Variants in TMEM63A observed in about 807,000 individuals in gnomAD.
TMEM63A encodes the protein transmembrane protein 63A, also known as mechanosensitive cation channel TMEM63A.
In TMEM63A, 76 loss-of-function variants were observed where a neutral mutation model predicts 100.6. That is an observed-to-expected ratio of 0.76 (90% CI 0.63 to 0.91). The LOEUF (loss-of-function observed/expected upper bound fraction) is 0.91, where lower values mean the gene tolerates loss of function less well. Ranked by LOEUF, TMEM63A falls within the 40% of genes least tolerant of loss-of-function variation. TMEM63A has a pLI of 0.00. For missense variants in TMEM63A, 876 were observed against 1,008.8 expected (o/e 0.87, Z 1.78); for synonymous variants, 401 against 401.1 (o/e 1.00, Z 0.00).
chr1:225,847,483 C>T (rs570619701), intron 23 of TMEM63A: 74 of 375,340 alleles, frequency 2.0e-4, no homozygotes, highest in Non-Finnish European at 3.4e-4. Flanking sequence ...ACTAAACTTC[C>T]TAGCCCTGGA....
In TMEM63A at chr1:225,862,840, G is replaced by A. The variant is rs1670012480; in HGVS notation, c.758C>T (p.Pro253Leu). The A allele has an allele frequency of 6.2e-7, 1 of 1,613,652 alleles. No homozygotes were observed. Among genetic ancestry groups the A allele is most frequent in the Non-Finnish European group, 8.5e-7 (1 of 1,179,964 alleles). Reference sequence around the variant, plus strand: ...CTGCACATCAACCACCTCACACGTGGGATACGCGTCCCTGTGGCCAGGGAG... The same window carrying A: ...CTGCACATCAACCACCTCACACGTGAGATACGCGTCCCTGTGGCCAGGGAG... ...TVESHFRDAY[P>L]TCEVVDVQLC... Residue 253 changes from proline (P) to leucine (L), a missense_variant, in exon 11 of 25, where the codon CCC (proline) becomes CTC (leucine). This residue lies in a region of TMEM63A where 487 missense variants were observed against 581.9 expected (regional missense o/e 0.84). Transcript: ENST00000366835. This position sits in a 1 kb window ranked among gnomAD's most constrained non-coding sequence, Gnocchi z 5.1.
chr1:225,845,339 C>A, downstream of TMEM63A: 1 of 1,609,106 alleles, frequency 6.2e-7, no homozygotes, highest in Non-Finnish European at 8.5e-7. Flanking sequence ...GGTGCTGGAG[C>A]GGCAATGACC....
Position 225,862,612 on chromosome 1 carries a change from A to G in TMEM63A, c.828-34T>C. 2 of 1,605,722 alleles carry G rather than the reference A, an allele frequency of 1.2e-6. No individual in the cohort carries two copies. The highest frequency in any genetic ancestry group is 2.2e-5 in the East Asian group (1 of 44,680). ...GTGGGAGCGGGGGCACAAACCTCAG[A>G]TTTAGAATCCTGTGGCAGGGACCCC... On this transcript the variant is annotated intron_variant, in intron 11 of 24. Transcript: ENST00000366835. This position sits in a 1 kb window ranked among gnomAD's most constrained non-coding sequence, Gnocchi z 5.1.
chr1:225,845,455 C>A, downstream of TMEM63A: 1 of 1,206,328 alleles, frequency 8.3e-7, no homozygotes, highest in Non-Finnish European at 1.2e-6. Context: ...GTCCCCTGCC[C>A]ATGCTGGGAG....
intron 6 of TMEM63A, among the ~76,000 whole-genome samples, chr1:225,870,608 T>A (rs1456841073): frequency 6.6e-6 from 1 of 152,218 alleles, no homozygotes; most frequent in Admixed American, 6.5e-5. Context: ...TTTCACTAAT[T>A]CAAAGACATG....
chr1:225,861,814 G>C, intron 13 of TMEM63A: 1 of 215,270 alleles, frequency 4.6e-6, no homozygotes, highest in Non-Finnish European at 9.6e-6. Flanking sequence ...GCATTTGTGG[G>C]AAGGTGGGGA....
At chr1:225,875,142 C>A (rs935806668) in intron 3 of TMEM63A, among the ~76,000 whole-genome samples, 15 of 152,230 alleles carry the variant, frequency 9.9e-5, no homozygotes, top group African/African-American at 3.6e-4. Context: ...GCAGGCCCCG[C>A]AGGCCCTGCA....
chr1:225,860,754 T>G, intron 14 of TMEM63A, 106 bp downstream of exon 14: 2 of 1,387,702 alleles, frequency 1.4e-6, no homozygotes, highest in Non-Finnish European at 1.9e-6. Context: ...TGCAGATGTG[T>G]GGAGATCTCC....
chr1:225,877,806 G>A, intron 2 of TMEM63A: 1 of 503,636 alleles, frequency 2.0e-6, no homozygotes, highest in Non-Finnish European at 3.6e-6. Context: ...AATCTCAGGG[G>A]ATCAGATGGT....
chr1:225,843,256 A>G (rs1428040980), downstream of TMEM63A, among the ~76,000 whole-genome samples: 3 of 152,232 alleles, frequency 2.0e-5, no homozygotes, highest in Non-Finnish European at 4.4e-5. Flanking sequence ...AGGAGAATGT[A>G]TCTGATTTGG....
At chr1:225,843,887 T>C (rs1489479112), downstream of TMEM63A, among the ~76,000 whole-genome samples, 1 of 152,210 alleles carries the variant, frequency 6.6e-6, no homozygotes, top group East Asian at 1.9e-4. Context: ...TTGAAAAGGC[T>C]GTTCCCTTTA....
chr1:225,849,860 G>A, intron 21 of TMEM63A, 52 bp downstream of exon 21: 1 of 1,591,434 alleles, frequency 6.3e-7, no homozygotes, highest in Non-Finnish European at 8.6e-7. Flanking sequence ...GGCTGGTGGG[G>A]ATGCAGGGCT....
chr1:225,877,454 G>A lies in TMEM63A; in HGVS notation c.127C>T (p.Gln43Ter), dbSNP rs747847486. Residue 43 changes from glutamine to a stop codon, truncating the protein, a stop_gained, in exon 3 of 25, where the codon CAG (glutamine) becomes TAG (stop). Transcript: ENST00000366835. LOFTEE classifies it high-confidence loss of function. ...GGGATGCCACCAAAGGTGACCCCCT[G>A]GAGCACGGTGCTGTTTTTGGCCGAG... is the stretch of plus-strand genomic sequence containing the variant. ...YNSAKNSTVL[Q>*]GVTFGGIPTV... 1 of 1,614,232 alleles carries A rather than the reference G, an allele frequency of 6.2e-7. No homozygotes were observed. The highest frequency in any genetic ancestry group is 8.5e-7 in the Non-Finnish European group (1 of 1,180,044).
At chr1:225,841,346 G>A (rs1237950903), downstream of TMEM63A, among the ~76,000 whole-genome samples, 1 of 152,124 alleles carries the variant, frequency 6.6e-6, no homozygotes, top group Non-Finnish European at 1.5e-5. Context: ...GCAGTGGTGT[G>A]ATCTCAGCTC....
At position 225,859,235 on chromosome 1, in the gene TMEM63A, C is replaced by G; in HGVS notation, c.1338G>C (p.Met446Ile). Residue 446 changes from methionine to isoleucine, a missense_variant, in exon 15 of 25, where the codon ATG (methionine) becomes ATC (isoleucine). Met to Ile is a conservative substitution (Grantham distance 10, BLOSUM62 1). Transcript: ENST00000366835. Reference sequence around the variant, plus strand: ...TGGGTTTGGTGACATTAAACTTGTCCATGGTGGACAGGATGATGGAGGGTG... The same window carrying G: ...TGGGTTTGGTGACATTAAACTTGTCGATGGTGGACAGGATGATGGAGGGTG... ...LTTPSIILST[M>I]DKFNVTKPIH... 1 of 1,614,108 alleles carries G rather than the reference C, an allele frequency of 6.2e-7. No individual in the cohort carries two copies. The highest frequency in any genetic ancestry group is 8.5e-7 in the Non-Finnish European group (1 of 1,180,030).
chr1:225,867,788 G>A lies in TMEM63A; in HGVS notation c.514+100C>T. The A allele has an allele frequency of 6.8e-7, 1 of 1,462,554 alleles. No homozygotes were observed. Among genetic ancestry groups the A allele is most frequent in the Non-Finnish European group, 9.3e-7 (1 of 1,073,228 alleles). The allele number at this position is 1,462,554 out of a possible 1,614,324, so 90.6% of individuals were successfully genotyped here. On this transcript the variant is annotated intron_variant, in intron 7 of 24. Coordinates refer to ENST00000366835, the MANE Select transcript of TMEM63A (RefSeq NM_014698.3). This position sits in a 1 kb window ranked among gnomAD's most constrained non-coding sequence, Gnocchi z 4.6. ...TGAGACCATCTTACATCTGAAGTGG[G>A]GCATGACTCCTGGGGTTCTGGTCTA...
intron 21 of TMEM63A, 54 bp from the exon 22 acceptor site, chr1:225,849,066 C>T (rs924408097): frequency 4.0e-6 from 5 of 1,259,450 alleles, no homozygotes; most frequent in East Asian, 2.5e-5. Context: ...CCACCACCTA[C>T]CCTCACCCTG....
In TMEM63A at chr1:225,856,669, G is replaced by C; in HGVS notation, c.1554C>G (p.Pro518=). 6.2e-7 allele frequency: 1 copy of C among 1,613,616 alleles called. No homozygotes were observed. The stretch of plus-strand genomic sequence containing the variant: ...GCATATACCTGGTGAGACCCAGGGA[G>C]GGCAGGATCAGCACCATGAAGATCA... ...IFLIFMVLIL[P]SLGLTSLDFF... The change falls in exon 17 of 25, where the codon CCC becomes CCG. Residue 518 remains proline (P), a synonymous_variant. Transcript: ENST00000366835.
rs1239660797 is a variant in TMEM63A at position 225,878,884 on chromosome 1, CT to C, written c.-15+335del. On this transcript the variant is annotated intron_variant, in intron 2 of 24. Transcript: ENST00000366835. ...GACACCTACCTACCTACCTACCTAC[CT>C]ACACACACACACACACACACACACA... Among the ~76,000 whole-genome samples, 458 of 51,504 alleles carry C rather than the reference CT, an allele frequency of 8.9e-3. 1 individual carries two copies. Among genetic ancestry groups the C allele is most frequent in the African/African-American group, 0.03 (404 of 13,592 alleles). 33.8% of individuals were successfully genotyped at this position (51,504 alleles called of 152,430 possible). A position where few individuals can be genotyped will look rare whatever the true frequency, so the allele number is the denominator to read the frequency against.
Sources: gnomAD v4.1 joint callset for allele counts (sites outside exome capture counted in the v4.1 genomes callset) on GRCh38, gnomAD v4.1.1 for gene constraint, gnomAD v4.1.1 regional missense constraint, Gnocchi (gnomAD v3.1) non-coding constraint, MANE v1.5 for transcripts, NCBI Gene and HGNC (gene_info 2026-07-23, HGNC 2026-07-21) for gene names.